USP53: variants seen among roughly 807,000 people sequenced by gnomAD.
The protein encoded by USP53 is ubiquitin specific peptidase 53, also known as ubiquitin carboxyl-terminal hydrolase 53.
A neutral mutation model predicts 94.9 loss-of-function variants in USP53; 71 were observed. That is an observed-to-expected ratio of 0.75 (90% CI 0.62 to 0.91). USP53 has a LOEUF of 0.91. Ranked by LOEUF, USP53 falls within the 40% of genes least tolerant of loss-of-function variation. USP53 has a pLI of 0.00. For synonymous variants in USP53, 375 were observed against 422.7 expected, an observed-to-expected ratio of 0.89 and a Z score of 1.39; for missense variants, 1,173 against 1,281.0, an observed-to-expected ratio of 0.92 and a Z score of 1.29.
chr4:119,227,355 A>G (rs76546029), intron 3 of USP53, among the ~76,000 whole-genome samples: 52,255 of 151,306 alleles, frequency 0.35, 9,138 homozygotes, highest in African/African-American at 0.38. Flanking sequence ...AAACCTCTAC[A>G]GGGCCGGGCG....
chr4:119,275,737 A>C (rs1460942174), intron 17 of USP53, among the ~76,000 whole-genome samples: 2 of 152,054 alleles, frequency 1.3e-5, no homozygotes, highest in Non-Finnish European at 2.9e-5. Flanking sequence ...TGAGCATGGA[A>C]TGTTCTTTCA....
rs752468127 is a variant in USP53, at chr4:119,248,754, T to G, written c.244T>G (p.Phe82Val). 1.2e-6 allele frequency: 2 copies of G among 1,611,968 alleles called. No homozygotes were observed. The highest frequency in any genetic ancestry group is 3.4e-5 in the Admixed American group (2 of 59,616). The change falls in exon 7 of 19, where the codon TTT becomes GTT. Residue 82 changes from phenylalanine (F) to valine (V), a missense_variant. Coordinates refer to ENST00000692078, the MANE Select transcript of USP53 (RefSeq NM_001371395.1). ...TTTTCTTGTCGATTCCCAGACGATA[T>G]TTGCACAGTTCCAACACAGTCGAGA... ...ACIFCALKTI[F>V]AQFQHSREKA...
rs79873505 is a variant in USP53, at chr4:119,231,104, G to A, written c.-664-4186G>A. ...TAGATATCTGGATTGACCATATTGA[G>A]GAACTAGGAAGAGGTAGAAAACTGG... On this transcript the variant is annotated intron_variant, in intron 3 of 18. Coordinates refer to ENST00000692078, the MANE Select transcript of USP53 (RefSeq NM_001371395.1). 8.0e-3 allele frequency among the ~76,000 whole-genome samples: 1,222 copies of A among 152,214 alleles called. 16 individuals are homozygous for A. The highest frequency in any genetic ancestry group is 0.028 in the African/African-American group (1,169 of 41,524).
At chr4:119,270,304 C>T (rs535238181) in intron 15 of USP53, among the ~76,000 whole-genome samples, 45 of 151,902 alleles carry the variant, frequency 3.0e-4, no homozygotes, top group African/African-American at 1.1e-3. Context: ...TGCCATGTTG[C>T]TCAGAGTGGT....
Position 119,248,866 on chromosome 4 carries a change from A to G in USP53, c.356A>G (p.Asp119Gly). Residue 119 changes from aspartate to glycine, a missense_variant, in exon 7 of 19, where the codon GAT becomes GGT. Physicochemically the swap from Asp to Gly is moderately conservative, Grantham distance 94 (BLOSUM62 -1). Coordinates refer to ENST00000692078, the MANE Select transcript of USP53 (RefSeq NM_001371395.1). The part of the protein sequence containing the change: ...EQRFQLGLMD[D>G]AAECFENMLE... ...CGATTTCAACTTGGCCTTATGGATG[A>G]TGCTGCGGAGTGCTTTGTAAGTGTT... 6.2e-7 allele frequency: 1 copy of G among 1,614,148 alleles called. No homozygotes were observed. Among genetic ancestry groups the G allele is most frequent in the African/African-American group, 1.3e-5 (1 of 75,068 alleles).
chr4:119,267,507 C>A, intron 13 of USP53, 25 bp downstream of exon 13: 1 of 1,595,532 alleles, frequency 6.3e-7, no homozygotes, highest in Admixed American at 1.8e-5. Flanking sequence ...TAAAAATTCT[C>A]AATGTTTTTC....
intron 9 of USP53, 56 bp from the exon 10 acceptor site, chr4:119,259,764 A>G (rs1750260070): frequency 7.3e-7 from 1 of 1,379,100 alleles, no homozygotes; most frequent in Non-Finnish European, 1.0e-6. Context: ...TTCATGTGTA[A>G]TTTATTAAAG....
Position 119,293,346 on chromosome 4 carries a change from T to G in USP53, c.*135T>G, listed in dbSNP as rs1754983252. 2.0e-6 allele frequency: 2 copies of G among 1,022,208 alleles called. No individual in the cohort carries two copies. Among genetic ancestry groups the G allele is most frequent in the East Asian group, 5.3e-5 (2 of 37,976 alleles). 63.3% of individuals were successfully genotyped at this position (1,022,208 alleles called of 1,614,324 possible). ...CAACTTTTACTTCTCAGAGGCCATT[T>G]AAATATAATAGGAACCTACTGACCA... On this transcript the variant is annotated 3_prime_UTR_variant, in exon 19 of 19. Transcript: ENST00000692078.
intron 1 of USP53, 73 bp downstream of exon 1, chr4:119,212,946 T>A (rs1743057756): frequency 2.4e-5 from 4 of 165,292 alleles, no homozygotes; most frequent in Admixed American, 1.8e-4. Flanking sequence ...ACCGGGACAC[T>A]CTCATTCTAG....
rs1030475067 is a variant in USP53 at position 119,293,843 on chromosome 4, A to T, written c.*632A>T. On this transcript the variant is annotated 3_prime_UTR_variant, in exon 19 of 19. Coordinates refer to ENST00000692078, the MANE Select transcript of USP53 (RefSeq NM_001371395.1). ...TAAGTGTCTTTAAAAAAAATGACTTATGAATTTGATAGCATTTGGGGAAAA... is the reference window on the plus strand; with the variant it reads ...TAAGTGTCTTTAAAAAAAATGACTTTTGAATTTGATAGCATTTGGGGAAAA... 22 of 151,904 alleles carry T rather than the reference A, an allele frequency of 1.4e-4. No homozygotes were observed. The highest frequency in any genetic ancestry group is 5.1e-4 in the African/African-American group (21 of 41,374). 9.4% of individuals were successfully genotyped at this position (151,904 alleles called of 1,614,324 possible). A position where few individuals can be genotyped will look rare whatever the true frequency, so the allele number is the denominator to read the frequency against.
chr4:119,215,726 G>A (rs78970557), intron 2 of USP53, among the ~76,000 whole-genome samples: 2,390 of 152,098 alleles, frequency 0.016, 42 homozygotes, highest in Middle Eastern at 0.048. Flanking sequence ...TACAAGAAAA[G>A]GCTACAAACC....
At chr4:119,247,813 A>G (rs1020054638) in intron 6 of USP53, among the ~76,000 whole-genome samples, 3 of 152,198 alleles carry the variant, frequency 2.0e-5, no homozygotes, top group African/African-American at 7.2e-5. Flanking sequence ...ATCTTTTACT[A>G]TTCATAATTT....
In USP53 at chr4:119,261,765, T is replaced by C. The variant is rs61758375; in HGVS notation, c.873T>C (p.Leu291=). The change falls in exon 12 of 19, where the codon CTT becomes CTC. Residue 291 remains leucine (L), a synonymous_variant. Transcript: ENST00000692078. ...ATGCCAAAAATAGTGAACTTAACCT[T>C]GTTGGTATGATCTGCTACACCAGCC... The part of the protein sequence containing the change: ...DENAKNSELN[L]VGMICYTSQH... The C allele has an allele frequency of 2.1e-5, 32 of 1,559,794 alleles. No homozygotes were observed. The highest frequency in any genetic ancestry group is 1.7e-4 in the Middle Eastern group (1 of 5,882).
chr4:119,279,488 C>T (rs1319475300), intron 17 of USP53, among the ~76,000 whole-genome samples: 1 of 148,756 alleles, frequency 6.7e-6, no homozygotes, highest in African/African-American at 2.5e-5. Flanking sequence ...GCTGGGAGAA[C>T]CACTGCTCTC....
intron 17 of USP53, among the ~76,000 whole-genome samples, chr4:119,287,461 C>A (rs987311645): frequency 3.3e-5 from 5 of 151,918 alleles, no homozygotes; most frequent in Admixed American, 6.6e-5. Flanking sequence ...GATTATTTTT[C>A]CCCTATAGGG....
At chr4:119,229,310 T>A (rs542552396) in intron 3 of USP53, among the ~76,000 whole-genome samples, 1 of 152,346 alleles carries the variant, frequency 6.6e-6, no homozygotes, top group Non-Finnish European at 1.5e-5. Context: ...CTCACTCGCA[T>A]GTCCTTTCTT....
intron 12 of USP53, among the ~76,000 whole-genome samples, chr4:119,262,314 C>A (rs1294604639): frequency 6.6e-6 from 1 of 152,038 alleles, no homozygotes; most frequent in Admixed American, 6.6e-5. Flanking sequence ...TCAGTTATAT[C>A]TTTTGGTAAT....
chr4:119,223,222 G>T (rs1744786380), intron 3 of USP53, among the ~76,000 whole-genome samples: 1 of 152,174 alleles, frequency 6.6e-6, no homozygotes. Flanking sequence ...GGCACCTGGA[G>T]ATTTTTGTAG....
At position 119,248,460 on chromosome 4, in the gene USP53, G is replaced by A. The variant is rs1748538252; in HGVS notation, c.238-288G>A. ...TGTATTATTTTCCGAAATACAGGTTGGGTATCTCTTGTCTGAAATGCTCAG... is the reference window on the plus strand; with the variant it reads ...TGTATTATTTTCCGAAATACAGGTTAGGTATCTCTTGTCTGAAATGCTCAG... On this transcript the variant is annotated intron_variant, in intron 6 of 18. Transcript: ENST00000692078. Among the ~76,000 whole-genome samples, 2 of 144,922 alleles carry A rather than the reference G, an allele frequency of 1.4e-5. 1 individual carries two copies. Among genetic ancestry groups the A allele is most frequent in the Non-Finnish European group, 3.0e-5 (2 of 66,274 alleles).
Sources: gnomAD v4.1 joint callset for allele counts (sites outside exome capture counted in the v4.1 genomes callset) on GRCh38, gnomAD v4.1.1 for gene constraint, MANE v1.5 for transcripts, NCBI Gene and HGNC (gene_info 2026-07-23, HGNC 2026-07-21) for gene names.